MKLN1: variants seen among roughly 807,000 people sequenced by gnomAD.
The protein encoded by MKLN1 is muskelin 1.
Under a neutral mutation model 99.0 loss-of-function variants are expected in MKLN1, and 18 were observed. That is an observed-to-expected ratio of 0.18 (90% CI 0.13 to 0.27). The LOEUF (loss-of-function observed/expected upper bound fraction) is 0.27, where lower values mean the gene tolerates loss of function less well. Ranked by LOEUF, MKLN1 falls within the 10% of genes least tolerant of loss-of-function variation. The pLI is 1.00. For missense variants in MKLN1, 621 were observed against 875.9 expected, an observed-to-expected ratio of 0.71 and a Z score of 3.67; for synonymous variants, 288 against 293.2, an observed-to-expected ratio of 0.98 and a Z score of 0.18.
intron 9 of MKLN1, among the ~76,000 whole-genome samples, chr7:131,434,807 C>T (rs1216921860): frequency 6.6e-6 from 1 of 152,140 alleles, no homozygotes; most frequent in Non-Finnish European, 1.5e-5. Flanking sequence ...ATCCTCCCAC[C>T]TTGGCCTCCC....
intron 5 of MKLN1, 70 bp downstream of exon 5, chr7:131,397,446 T>C (rs1177064971): frequency 1.3e-6 from 1 of 773,398 alleles, no homozygotes; most frequent in South Asian, 2.0e-5. Context: ...CTTATCTTCA[T>C]TGAGAATAAT....
At chr7:131,219,798 G>GT (rs1797035080) in intron 3 of MKLN1, among the ~76,000 whole-genome samples, 1 of 152,130 alleles carries the variant, frequency 6.6e-6, no homozygotes, top group African/African-American at 2.4e-5. Flanking sequence ...ATTCTCTTGT[G>GT]TTTGTTTTTT....
chr7:131,249,517 A>G (rs1275939938), intron 3 of MKLN1, among the ~76,000 whole-genome samples: 2 of 152,212 alleles, frequency 1.3e-5, no homozygotes, highest in African/African-American at 4.8e-5. Flanking sequence ...TGACCTTGCT[A>G]GGCACTGAGC....
At chr7:131,320,821 A>G (rs1798761349) in intron 3 of MKLN1, among the ~76,000 whole-genome samples, 1 of 152,250 alleles carries the variant, frequency 6.6e-6, no homozygotes, top group Admixed American at 6.5e-5. Flanking sequence ...CAACAAACAT[A>G]TGAAAAATAG....
At chr7:131,481,754 A>C (rs1464605472) in intron 17 of MKLN1, among the ~76,000 whole-genome samples, 2 of 151,940 alleles carry the variant, frequency 1.3e-5, no homozygotes, top group Non-Finnish European at 2.9e-5. Context: ...ATAGAAATAA[A>C]ATGGGTTATT....
intron 2 of MKLN1, among the ~76,000 whole-genome samples, chr7:131,162,001 G>GT (rs1796061089): frequency 3.1e-5 from 2 of 64,514 alleles, no homozygotes; most frequent in African/African-American, 1.0e-4. Context: ...ATATATATAT[G>GT]TAACAGAGTG....
chr7:131,133,954 C>T (rs950467187), intron 1 of MKLN1, among the ~76,000 whole-genome samples: 5 of 149,608 alleles, frequency 3.3e-5, no homozygotes, highest in East Asian at 4.0e-4. Context: ...CTCAGCCTCC[C>T]GAGCAGCTGG....
chr7:131,387,304 A>AAC (rs1188159152), intron 3 of MKLN1, 42 bp downstream of exon 3: 1 of 1,553,324 alleles, frequency 6.4e-7, no homozygotes, highest in Non-Finnish European at 8.7e-7. Flanking sequence ...TTCTAAACAA[A>AAC]ACGTAGTCTT....
intron 3 of MKLN1, among the ~76,000 whole-genome samples, chr7:131,283,959 A>G (rs1164075223): frequency 6.6e-6 from 1 of 152,186 alleles, no homozygotes; most frequent in East Asian, 1.9e-4. Flanking sequence ...ATTCTATATA[A>G]CATAACATTA....
chr7:131,229,812 C>T (rs10267322), intron 3 of MKLN1, among the ~76,000 whole-genome samples: 12,906 of 152,098 alleles, frequency 0.085, 612 homozygotes, highest in African/African-American at 0.1. Context: ...CCTCAGCCTC[C>T]CGAAGTGCTA....
intron 2 of MKLN1, among the ~76,000 whole-genome samples, chr7:131,178,755 T>C (rs1050346238): frequency 2.0e-5 from 3 of 152,212 alleles, no homozygotes; most frequent in Non-Finnish European, 4.4e-5. Flanking sequence ...TTCCCTGACA[T>C]ATATCTGCCC....
At chr7:131,465,562 G>A (rs565605198) in intron 14 of MKLN1, among the ~76,000 whole-genome samples, 9 of 150,508 alleles carry the variant, frequency 6.0e-5, no homozygotes, top group South Asian at 4.2e-4. Flanking sequence ...TTTTTGAGAC[G>A]GAGTCTCGGT....
At chr7:131,139,299 A>G (rs535517439) in intron 1 of MKLN1, among the ~76,000 whole-genome samples, 3 of 151,994 alleles carry the variant, frequency 2.0e-5, no homozygotes, top group African/African-American at 4.8e-5. Context: ...TGTGTGGTCT[A>G]TTGGCTCTAA....
rs957139705 is a variant in MKLN1 at position 131,227,395 on chromosome 7, TTCTC to T, written c.-179+24425_-179+24428del. On this transcript the variant is annotated intron_variant, in intron 3 of 7. Transcript: ENST00000416992. ...CTTTTTCTTTCTTTTTTTTCTTTCT[TTCTC>T]TCTTTCTTTCCCTCTCTCTCTTTCT... is the stretch of plus-strand genomic sequence containing the variant. Among the ~76,000 whole-genome samples, 14 of 151,808 alleles carry T rather than the reference TTCTC, an allele frequency of 9.2e-5. 1 individual carries two copies. The South Asian group carries it at 1.3e-3, about 14-fold the overall frequency.
At chr7:131,395,401 T>C (rs1304921357) in intron 4 of MKLN1, among the ~76,000 whole-genome samples, 1 of 151,938 alleles carries the variant, frequency 6.6e-6, no homozygotes, top group African/African-American at 2.4e-5. Flanking sequence ...GATGTGTACT[T>C]GATGGGAATT....
At chr7:131,219,024 G>A (rs1365593559) in intron 3 of MKLN1, among the ~76,000 whole-genome samples, 3 of 152,142 alleles carry the variant, frequency 2.0e-5, no homozygotes, top group Non-Finnish European at 4.4e-5. Context: ...GGAACAGAAA[G>A]CAGAATGGTG....
At chr7:131,275,549 ATATATATATATATATATATTTTTTTTTT>A (rs1191514938) in intron 3 of MKLN1, among the ~76,000 whole-genome samples, 9 of 12,520 alleles carry the variant, frequency 7.2e-4, no homozygotes, top group African/African-American at 3.0e-3. Context: ...ATATATATAT[ATATATATATATATATATATTTTTTTTTT>A]TTTTTTTTTT....
chr7:131,374,466 C>T (rs1793573737), intron 1 of MKLN1, among the ~76,000 whole-genome samples: 1 of 152,080 alleles, frequency 6.6e-6, no homozygotes, highest in Non-Finnish European at 1.5e-5. Context: ...TTCCTTCTGC[C>T]CTCCGTCCCC....
At chr7:131,123,626 A>T (rs180903841) in intron 1 of MKLN1, among the ~76,000 whole-genome samples, 5 of 152,248 alleles carry the variant, frequency 3.3e-5, no homozygotes, top group African/African-American at 1.2e-4. Flanking sequence ...TGTCTCTAGT[A>T]AAAATACAAA....
Sources: gnomAD v4.1 joint callset for allele counts (sites outside exome capture counted in the v4.1 genomes callset) on GRCh38, gnomAD v4.1.1 for gene constraint, MANE v1.5 for transcripts, NCBI Gene and HGNC (gene_info 2026-07-23, HGNC 2026-07-21) for gene names.